The following UTP4 variants were observed in gnomAD, a reference collection of about 807,000 sequenced individuals.
UTP4 encodes the protein UTP4 small subunit processome component, also known as U3 small nucleolar RNA-associated protein 4 homolog.
UTP4 carries 45 observed loss-of-function variants against 82.4 expected under a neutral mutation model. The ratio of observed to expected loss-of-function variants is 0.55; its 90% CI spans 0.43 to 0.70. The LOEUF (loss-of-function observed/expected upper bound fraction) is 0.70, where lower values mean the gene tolerates loss of function less well. Ranked by LOEUF, UTP4 falls within the 30% of genes least tolerant of loss-of-function variation. UTP4 has a pLI of 0.00. For synonymous variants in UTP4, 348 were observed against 300.3 expected, an observed-to-expected ratio of 1.16 and a Z score of -1.64; for missense variants, 819 against 858.3, an observed-to-expected ratio of 0.95 and a Z score of 0.57.
chr16:69,154,617 T>G (rs1963360650), intron 10 of UTP4, among the ~76,000 whole-genome samples, 160 bp downstream of exon 10: 1 of 152,154 alleles, frequency 6.6e-6, no homozygotes, highest in African/African-American at 2.4e-5. Flanking sequence ...TTCCTGTGAT[T>G]ATAAGTAGGA....
rs1963243003 is a variant in UTP4 at position 69,150,856 on chromosome 16, G to A, written c.954G>A (p.Val318=). 2.5e-6 allele frequency: 4 copies of A among 1,614,092 alleles called. No homozygotes were observed. The highest frequency in any genetic ancestry group is 3.4e-6 in the Non-Finnish European group (4 of 1,180,028). ...TCTTTCGTCCTCTCATGGAGAAGGT[G>A]GAAGTAAAGAATTACGATGCCGCTC... The part of the protein sequence containing the change: ...HLVFRPLMEK[V]EVKNYDAALR... Residue 318 remains valine (V), a synonymous_variant, in exon 8 of 17, where the codon GTG becomes GTA. Coordinates refer to ENST00000314423, the MANE Select transcript of UTP4 (RefSeq NM_032830.3).
rs36043898 is a variant in UTP4 at position 69,156,154 on chromosome 16, CT to C, written c.1287+178del. On this transcript the variant is annotated intron_variant, in intron 11 of 16. Coordinates refer to ENST00000314423, the MANE Select transcript of UTP4 (RefSeq NM_032830.3). ...GAAACAGTGTTTTATTTCTTTCTTT[CT>C]TTTTTTTTTTTTTTTTGAGACGGAG... Among the ~76,000 whole-genome samples the C allele has an allele frequency of 4.7e-3, 609 of 130,446 alleles. 5 individuals carry two copies. The highest frequency in any genetic ancestry group is 0.014 in the African/African-American group (480 of 33,968). The allele number at this position is 130,446 out of a possible 152,430, so 85.6% of individuals were successfully genotyped here.
At chr16:69,159,459 G>A (rs1270780719) in intron 12 of UTP4, among the ~76,000 whole-genome samples, 2 of 152,178 alleles carry the variant, frequency 1.3e-5, no homozygotes, top group African/African-American at 4.8e-5. Context: ...GGAGGCCGAG[G>A]TGGGCAGATC....
rs773340248 is a variant in UTP4, at chr16:69,150,520, A to T, written c.739-17A>T. 1 of 1,614,122 alleles carries T rather than the reference A, an allele frequency of 6.2e-7. No homozygotes were observed. Among genetic ancestry groups the T allele is most frequent in the East Asian group, 2.2e-5 (1 of 44,886 alleles). Reference sequence around the variant, plus strand: ...TGTTTTGCTTACGTGTACCTCCCTCATGATTTAATTCCTCAGCAAGAAGAC... The same window carrying T: ...TGTTTTGCTTACGTGTACCTCCCTCTTGATTTAATTCCTCAGCAAGAAGAC... On this transcript the variant is annotated splice_polypyrimidine_tract_variant and intron_variant, in intron 6 of 16. Coordinates refer to ENST00000314423, the MANE Select transcript of UTP4 (RefSeq NM_032830.3).
chr16:69,141,195 C>T lies in UTP4; in HGVS notation c.526+1281C>T, dbSNP rs555719532. ...CCCACTCCCATCTGGCTTAGCCACT[C>T]TGGGCCTGCTGCACAGCTGTGAGAT... On this transcript the variant is annotated intron_variant, in intron 5 of 16. Transcript: ENST00000314423. 2.8e-4 allele frequency among the ~76,000 whole-genome samples: 42 copies of T among 152,352 alleles called. No individual in the cohort carries two copies. The South Asian group carries it at 6.2e-3, about 23-fold the overall frequency.
intron 6 of UTP4, among the ~76,000 whole-genome samples, chr16:69,150,246 T>C (rs1342982606): frequency 6.6e-6 from 1 of 152,230 alleles, no homozygotes; most frequent in Non-Finnish European, 1.5e-5. Context: ...AAGTAGGTCC[T>C]AGGTATTTTC....
intron 10 of UTP4, among the ~76,000 whole-genome samples, chr16:69,154,669 T>C (rs771636599): frequency 1.1e-4 from 16 of 152,016 alleles, no homozygotes; most frequent in Admixed American, 3.9e-4. Context: ...GAAATAGGTT[T>C]CTCTTCTTTT....
intron 8 of UTP4, among the ~76,000 whole-genome samples, chr16:69,151,788 C>T (rs572284287): frequency 6.6e-6 from 1 of 151,700 alleles, no homozygotes; most frequent in Non-Finnish European, 1.5e-5. Context: ...AAATTTTTCC[C>T]TTTTCCAAAT....
chr16:69,147,657 T>A (rs1332431330), intron 6 of UTP4, among the ~76,000 whole-genome samples: 2 of 152,194 alleles, frequency 1.3e-5, no homozygotes, highest in African/African-American at 4.8e-5. Context: ...ATATACATAA[T>A]GAGATATCTT....
At chr16:69,142,921 G>C (rs540294479) in intron 5 of UTP4, among the ~76,000 whole-genome samples, 8 of 152,174 alleles carry the variant, frequency 5.3e-5, no homozygotes, top group African/African-American at 1.4e-4. Context: ...CTTCTCTTCA[G>C]GTAACCATTT....
intron 10 of UTP4, among the ~76,000 whole-genome samples, chr16:69,154,851 C>A (rs1334869774): frequency 5.9e-5 from 9 of 152,016 alleles, no homozygotes; most frequent in Non-Finnish European, 1.0e-4. Flanking sequence ...GCTTTAGCCC[C>A]CCAAGTAGCT....
intron 6 of UTP4, 49 bp downstream of exon 6, chr16:69,143,438 GA>G: frequency 6.5e-7 from 1 of 1,549,678 alleles, no homozygotes; most frequent in Non-Finnish European, 8.9e-7. Flanking sequence ...CTTGTGGGGT[GA>G]GTTGAGAAAG....
intron 6 of UTP4, 76 bp from the exon 7 acceptor site, chr16:69,150,461 C>T (rs993964330): frequency 2.6e-6 from 4 of 1,533,078 alleles, no homozygotes; most frequent in African/African-American, 2.7e-5. Context: ...GCTGCTGAGA[C>T]AGAAAGCCTC....
chr16:69,156,999 T>C (rs1567378317), intron 11 of UTP4, 85 bp from the exon 12 acceptor site: 17 of 1,428,744 alleles, frequency 1.2e-5, no homozygotes, highest in Middle Eastern at 1.7e-4. Context: ...GAAGCATTAA[T>C]GTACCTTAAG....
Position 69,165,502 on chromosome 16 carries a change from G to A in UTP4, c.1809G>A (p.Met603Ile). Residue 603 changes from methionine to isoleucine, a missense_variant, in exon 15 of 17, where the codon ATG becomes ATA. Met to Ile is a conservative substitution (Grantham distance 10). Transcript: ENST00000314423. ...PMHILLHDAY[M>I]FCIIDKSLPL... ...ACATCCTTCTCCATGATGCCTACAT[G>A]TTCTGCATCATTGACAAGTCATTGG... 1.9e-6 allele frequency: 3 copies of A among 1,613,992 alleles called. No homozygotes were observed. The highest frequency in any genetic ancestry group is 1.1e-5 in the South Asian group (1 of 91,086).
chr16:69,140,754 T>C (rs1173112053), intron 5 of UTP4, among the ~76,000 whole-genome samples: 1 of 152,218 alleles, frequency 6.6e-6, no homozygotes, highest in South Asian at 2.1e-4. Flanking sequence ...AGGCAACCAC[T>C]TGTGACCCTT....
chr16:69,166,840 G>A, intron 15 of UTP4: 4 of 546,014 alleles, frequency 7.3e-6, no homozygotes, highest in Non-Finnish European at 1.3e-5. Flanking sequence ...GTGGCTGCAA[G>A]AGTAGCTTCA....
At chr16:69,137,768 A>AT (rs758138485) in intron 3 of UTP4, 33 bp from the exon 4 acceptor site, 15 of 1,296,322 alleles carry the variant, frequency 1.2e-5, no homozygotes, top group Admixed American at 1.7e-5. Flanking sequence ...TTTACTATTG[A>AT]TTTTTTCTGT....
At chr16:69,150,986 TCA>T in intron 8 of UTP4, 82 bp downstream of exon 8, 1 of 1,043,854 alleles carries the variant, frequency 9.6e-7, no homozygotes, top group Non-Finnish European at 1.5e-6. Context: ...TGAACACAGC[TCA>T]CGCTCGGCAA....
Sources: gnomAD v4.1 joint callset for allele counts (sites outside exome capture counted in the v4.1 genomes callset) on GRCh38, gnomAD v4.1.1 for gene constraint, MANE v1.5 for transcripts, NCBI Gene and HGNC (gene_info 2026-07-23, HGNC 2026-07-21) for gene names.